The following TSC22D1 variants were observed in gnomAD, a reference collection of about 807,000 sequenced individuals.
The protein encoded by TSC22D1 is TSC22 domain family member 1, also known as TSC22 domain family protein 1.
In TSC22D1, 9 loss-of-function variants were observed where a neutral mutation model predicts 74.2. That is an observed-to-expected ratio of 0.12 (90% CI 0.07 to 0.21). The LOEUF (loss-of-function observed/expected upper bound fraction) is 0.21, where lower values mean the gene tolerates loss of function less well. Among genes scored for constraint, TSC22D1 ranks in the 10% least tolerant of loss-of-function variants. The pLI is 1.00. For missense variants in TSC22D1, 1,427 were observed against 1,304.7 expected (o/e 1.09, Z -1.44); for synonymous variants, 586 against 492.5 (o/e 1.19, Z -2.51).
intron 1 of TSC22D1, among the ~76,000 whole-genome samples, chr13:44,502,673 G>C (rs1040291164): frequency 6.6e-6 from 1 of 151,846 alleles, no homozygotes; most frequent in Non-Finnish European, 1.5e-5. Context: ...TGACAGATGA[G>C]GAAACTGTTG....
intron 1 of TSC22D1, among the ~76,000 whole-genome samples, chr13:44,438,336 TTC>T (rs1874909424): frequency 1.3e-5 from 2 of 152,192 alleles, no homozygotes; most frequent in African/African-American, 4.8e-5. Flanking sequence ...ACACACAGTC[TTC>T]TCTCCAAAAT....
Position 44,491,248 on chromosome 13 carries a change from G to T in TSC22D1, c.2913-55153C>A, listed in dbSNP as rs151099240. Among the ~76,000 whole-genome samples, 76 of 152,116 alleles carry T rather than the reference G, an allele frequency of 5.0e-4. 2 individuals carry two copies. The East Asian group carries it at 0.013, about 26-fold the overall frequency. On this transcript the variant is annotated intron_variant, in intron 1 of 2. Coordinates refer to ENST00000458659, the MANE Select transcript of TSC22D1 (RefSeq NM_183422.4). The stretch of plus-strand genomic sequence containing the variant: ...TGAGGCAATAATGTCGACAATATAT[G>T]TAACCTGAAGATTAGTATCCAGAGG...
chr13:44,551,310 G>GGGGTGTGTGT (rs1555272439), intron 1 of TSC22D1, among the ~76,000 whole-genome samples: 81 of 132,858 alleles, frequency 6.1e-4, no homozygotes, highest in African/African-American at 9.1e-4. Context: ...ATCAGCTGGG[G>GGGGTGTGTGT]GTGTGTGTGT....
chr13:44,559,250 T>C (rs1882880308), intron 1 of TSC22D1, among the ~76,000 whole-genome samples: 1 of 152,146 alleles, frequency 6.6e-6, no homozygotes, highest in South Asian at 2.1e-4. Flanking sequence ...GTGGACAGTC[T>C]ATAGCCCAAA....
chr13:44,493,014 GTAA>G (rs2137962664), intron 1 of TSC22D1, among the ~76,000 whole-genome samples: 1 of 152,236 alleles, frequency 6.6e-6, no homozygotes, highest in African/African-American at 2.4e-5. Flanking sequence ...ACCCACGGGA[GTAA>G]TGTCAGCAAA....
intron 1 of TSC22D1, among the ~76,000 whole-genome samples, chr13:44,535,621 A>AAAAAC (rs1555270761): frequency 1.3e-5 from 2 of 151,334 alleles, no homozygotes; most frequent in Non-Finnish European, 3.0e-5. Flanking sequence ...GAAGCTACAA[A>AAAAAC]AAACAAACAA....
At chr13:44,474,439 A>G (rs1877780771) in intron 1 of TSC22D1, 2 of 160,662 alleles carry the variant, frequency 1.2e-5, no homozygotes, top group Admixed American at 1.3e-4. Flanking sequence ...GAGAACAAAA[A>G]TACTATGAAT....
In TSC22D1 at chr13:44,480,597, T is replaced by G. The variant is rs557776165; in HGVS notation, c.2913-44502A>C. ...AAGGTAGAGTACATGTTGGTACTAG[T>G]AGCTGTGAGAGAATACAGGAGGGGT... is the stretch of plus-strand genomic sequence containing the variant. On this transcript the variant is annotated intron_variant, in intron 1 of 2. Coordinates refer to ENST00000458659, the MANE Select transcript of TSC22D1 (RefSeq NM_183422.4). Among the ~76,000 whole-genome samples the G allele has an allele frequency of 3.9e-5, 6 of 152,210 alleles. No homozygotes were observed. The East Asian group carries it at 1.2e-3, about 29-fold the overall frequency.
At position 44,573,536 on chromosome 13, in the gene TSC22D1, C is replaced by A. The variant is rs750959395; in HGVS notation, c.2539G>T (p.Ala847Ser). 5.0e-6 allele frequency: 8 copies of A among 1,614,210 alleles called. No individual in the cohort carries two copies. The highest frequency in any genetic ancestry group is 6.8e-6 in the Non-Finnish European group (8 of 1,180,038). ...SSTGPSGMPS[A>S]PTNLVPPQNI... ...TGTGGTGGAACCAAGTTTGTTGGGG[C>A]AGAAGGCATTCCAGAAGGACCAGTT... is the stretch of plus-strand genomic sequence containing the variant. The change falls in exon 1 of 3, where the codon GCC becomes TCC. Residue 847 changes from alanine (A) to serine (S), a missense_variant. Around this residue, in one of 3 missense-constraint regions of TSC22D1, gnomAD observed 1,343 missense variants for 1,191.5 expected, o/e 1.13. Coordinates refer to ENST00000458659, the MANE Select transcript of TSC22D1 (RefSeq NM_183422.4).
chr13:44,552,321 C>T (rs1190116833), intron 1 of TSC22D1, among the ~76,000 whole-genome samples: 3 of 152,172 alleles, frequency 2.0e-5, no homozygotes, highest in Non-Finnish European at 4.4e-5. Context: ...CTTTACTTCA[C>T]GAACACCATC....
intron 1 of TSC22D1, chr13:44,539,493 T>C (rs1054772102): frequency 5.1e-6 from 5 of 985,312 alleles, no homozygotes; most frequent in African/African-American, 1.7e-5. Context: ...CCAAAATGGG[T>C]AGATATTCCC....
intron 1 of TSC22D1, among the ~76,000 whole-genome samples, chr13:44,438,444 T>A (rs1187292730): frequency 6.6e-6 from 1 of 152,164 alleles, no homozygotes; most frequent in East Asian, 1.9e-4. Flanking sequence ...TGGGGGTAGG[T>A]AGATTTGGTT....
At chr13:44,437,385 TA>T (rs1874801627) in intron 1 of TSC22D1, 1 of 373,794 alleles carries the variant, frequency 2.7e-6, no homozygotes, top group Non-Finnish European at 3.7e-6. Flanking sequence ...TTAAAGATAA[TA>T]ATCACCCTGC....
At chr13:44,531,041 T>C (rs1880808233) in intron 1 of TSC22D1, among the ~76,000 whole-genome samples, 1 of 152,206 alleles carries the variant, frequency 6.6e-6, no homozygotes, top group South Asian at 2.1e-4. Flanking sequence ...ATGATACTAA[T>C]GGTGAATACG....
chr13:44,447,364 G>A (rs1307996324), intron 1 of TSC22D1, among the ~76,000 whole-genome samples: 1 of 151,654 alleles, frequency 6.6e-6, no homozygotes, highest in East Asian at 1.9e-4. Context: ...TATAATGCAA[G>A]GACTTAAATA....
At chr13:44,452,294 G>A (rs947286478) in intron 1 of TSC22D1, among the ~76,000 whole-genome samples, 4 of 152,132 alleles carry the variant, frequency 2.6e-5, no homozygotes, top group Non-Finnish European at 4.4e-5. Context: ...GGAAACTGCC[G>A]CACACTCATA....
intron 1 of TSC22D1, among the ~76,000 whole-genome samples, chr13:44,458,406 T>C (rs1876794164): frequency 6.6e-6 from 1 of 152,202 alleles, no homozygotes; most frequent in Admixed American, 6.5e-5. Context: ...GAAGTGATAA[T>C]ACATATTTCA....
At chr13:44,445,252 CAG>C (rs572700010) in intron 1 of TSC22D1, among the ~76,000 whole-genome samples, 1,628 of 130,068 alleles carry the variant, frequency 0.013, 18 homozygotes, top group African/African-American at 0.028. Context: ...CACACACACA[CAG>C]AGCAAATCGA....
chr13:44,437,146 A>G, intron 1 of TSC22D1: 1 of 985,538 alleles, frequency 1.0e-6, no homozygotes, highest in Non-Finnish European at 1.2e-6. Context: ...GTCCCTGAAA[A>G]ATACTATGGG....
Sources: allele counts gnomAD v4.1 joint callset (sites outside exome capture counted in the v4.1 genomes callset), GRCh38; gene constraint gnomAD v4.1.1; regional missense constraint gnomAD v4.1.1; transcripts MANE v1.5; gene names NCBI Gene and HGNC (gene_info 2026-07-23, HGNC 2026-07-21).